Variants in ZFHX3 observed in about 807,000 individuals in gnomAD.
ZFHX3 encodes the protein zinc finger homeobox 3.
ZFHX3 carries 42 observed loss-of-function variants against 279.1 expected under a neutral mutation model. The observed-to-expected ratio is 0.15, with a 90% CI of 0.12 to 0.19. ZFHX3 has a LOEUF of 0.19. ZFHX3 is among the 10% of genes least tolerant of loss of function. The pLI is 1.00. For missense variants in ZFHX3, 4,981 were observed against 4,754.0 expected (o/e 1.05, Z -1.40); for synonymous variants, 2,293 against 1,957.8 (o/e 1.17, Z -4.52).
chr16:73,076,205 T>G (rs2144760887), intron 8 of ZFHX3, among the ~76,000 whole-genome samples: 1 of 152,318 alleles, frequency 6.6e-6, no homozygotes, highest in East Asian at 1.9e-4. Flanking sequence ...AATATTCTGA[T>G]ATTTCTTACC....
intron 3 of ZFHX3, among the ~76,000 whole-genome samples, chr16:73,367,780 G>A (rs538071950): frequency 1.8e-4 from 28 of 152,130 alleles, no homozygotes; most frequent in Non-Finnish European, 2.5e-4. Context: ...TGAGAACTCC[G>A]TGAGTGAATG....
chr16:72,805,016 T>C (rs1002697889), intron 7 of ZFHX3, among the ~76,000 whole-genome samples: 2 of 152,122 alleles, frequency 1.3e-5, no homozygotes, highest in Non-Finnish European at 2.9e-5. Flanking sequence ...TTCGCTCTGT[T>C]GCCCAGGCTG....
chr16:73,196,409 G>A lies in ZFHX3; in HGVS notation c.-1103-52578C>T, dbSNP rs528314191. Among the ~76,000 whole-genome samples the A allele has an allele frequency of 2.6e-5, 4 of 152,126 alleles. No individual in the cohort carries two copies. The South Asian group carries it at 8.3e-4, about 32-fold the overall frequency. On this transcript the variant is annotated intron_variant, in intron 5 of 17. Transcript: ENST00000641206. The stretch of plus-strand genomic sequence containing the variant: ...GCAATTTCCCATCCTGATGGCTACG[G>A]ACTTCGATACAGCCTAGTGACGCCA...
intron 1 of ZFHX3, among the ~76,000 whole-genome samples, chr16:73,058,020 CGGA>C: frequency 7.0e-6 from 1 of 143,606 alleles, no homozygotes; most frequent in Non-Finnish European, 1.5e-5. Flanking sequence ...CTCGGCACCG[CGGA>C]CCCCCCCATA....
At chr16:73,850,195 G>A (rs557996764) in intron 1 of ZFHX3, among the ~76,000 whole-genome samples, 2 of 152,186 alleles carry the variant, frequency 1.3e-5, no homozygotes, top group Non-Finnish European at 1.5e-5. Flanking sequence ...ACTTTAGACC[G>A]TGGGTTTTGA....
chr16:73,673,242 C>T (rs1310483395), intron 2 of ZFHX3, among the ~76,000 whole-genome samples: 4 of 152,048 alleles, frequency 2.6e-5, no homozygotes, highest in Non-Finnish European at 2.9e-5. Context: ...AAGGGGCACA[C>T]GGGTAGAGGC....
chr16:73,839,231 G>A (rs1006892473), intron 1 of ZFHX3, among the ~76,000 whole-genome samples: 7 of 150,018 alleles, frequency 4.7e-5, no homozygotes, highest in African/African-American at 9.8e-5. Context: ...GCATGGTGGC[G>A]GGCGCCTGTA....
chr16:73,776,153 A>G (rs918662497), intron 1 of ZFHX3, among the ~76,000 whole-genome samples: 1 of 152,112 alleles, frequency 6.6e-6, no homozygotes, highest in South Asian at 2.1e-4. Flanking sequence ...TCATTTTTTC[A>G]TGTTGCAAAT....
At chr16:72,950,998 A>G (rs377517027) in intron 2 of ZFHX3, 33 bp from the exon 3 acceptor site, 3 of 1,592,684 alleles carry the variant, frequency 1.9e-6, no homozygotes, top group Non-Finnish European at 2.6e-6. Context: ...AGAGTCAGAC[A>G]CCAGGCTCAT....
intron 2 of ZFHX3, among the ~76,000 whole-genome samples, chr16:73,620,665 C>T (rs1031683681): frequency 6.6e-5 from 10 of 152,144 alleles, no homozygotes; most frequent in Middle Eastern, 3.2e-3. Context: ...CCCTAAGTGA[C>T]GACAATACCT....
At chr16:72,805,662 G>A (rs547905137) in intron 7 of ZFHX3, among the ~76,000 whole-genome samples, 5 of 152,262 alleles carry the variant, frequency 3.3e-5, no homozygotes, top group African/African-American at 1.2e-4. Context: ...CTGTTCCAGC[G>A]AGAGGCCAGT....
At chr16:73,746,890 C>T (rs1394033184) in intron 1 of ZFHX3, among the ~76,000 whole-genome samples, 5 of 152,194 alleles carry the variant, frequency 3.3e-5, no homozygotes, top group Non-Finnish European at 7.3e-5. Flanking sequence ...CCAAAGTACA[C>T]ACTTTTCCTA....
rs556950110 is a variant in ZFHX3, at chr16:73,283,199, T to C, written c.-1193-26063A>G. Among the ~76,000 whole-genome samples, 41 of 152,328 alleles carry C rather than the reference T, an allele frequency of 2.7e-4. No homozygotes were observed. The East Asian group carries it at 3.5e-3, about 13-fold the overall frequency. On this transcript the variant is annotated intron_variant, in intron 4 of 17. Transcript: ENST00000641206. ...GTTCCAAGAAAACTTTGCTGACACCTGCTTTCCGGCAACTGTTTACATTTA... is the reference window on the plus strand; with the variant it reads ...GTTCCAAGAAAACTTTGCTGACACCCGCTTTCCGGCAACTGTTTACATTTA...
intron 3 of ZFHX3, among the ~76,000 whole-genome samples, chr16:72,895,024 T>G (rs756128647): frequency 6.6e-6 from 1 of 152,210 alleles, no homozygotes; most frequent in Non-Finnish European, 1.5e-5. Context: ...CTGGGATGCA[T>G]GCCAACCGGG....
At chr16:73,539,430 C>CTTTTTTTT (rs2019970423) in intron 2 of ZFHX3, among the ~76,000 whole-genome samples, 1 of 80,100 alleles carries the variant, frequency 1.2e-5, no homozygotes, top group Admixed American at 1.2e-4. Context: ...CCTTCCTCTT[C>CTTTTTTTT]TTCTTTTTTT....
intron 5 of ZFHX3, among the ~76,000 whole-genome samples, chr16:73,150,484 T>C (rs1966914039): frequency 6.6e-6 from 1 of 152,192 alleles, no homozygotes; most frequent in Admixed American, 6.6e-5. Context: ...GCATATCAAA[T>C]AAAATAAATA....
chr16:73,780,793 C>T (rs1344917824), intron 1 of ZFHX3, among the ~76,000 whole-genome samples: 1 of 152,126 alleles, frequency 6.6e-6, no homozygotes, highest in African/African-American at 2.4e-5. Flanking sequence ...TAATTTCTTT[C>T]CATTTGTGAA....
chr16:72,890,032 A>C, intron 3 of ZFHX3, 70 bp from the exon 4 acceptor site: 2 of 1,400,974 alleles, frequency 1.4e-6, no homozygotes. Context: ...ATCAGCCCAC[A>C]CCATCCTGGT....
intron 2 of ZFHX3, among the ~76,000 whole-genome samples, chr16:73,614,766 CTTCT>C (rs1333050225): frequency 6.6e-6 from 1 of 151,526 alleles, no homozygotes; most frequent in Non-Finnish European, 1.5e-5. Flanking sequence ...TTTCCTTCTT[CTTCT>C]TTTTTTTTGA....
Sources: allele counts gnomAD v4.1 joint callset (sites outside exome capture counted in the v4.1 genomes callset), GRCh38; gene constraint gnomAD v4.1.1; transcripts MANE v1.5; gene names NCBI Gene and HGNC (gene_info 2026-07-23, HGNC 2026-07-21).